Variants in LHFPL3 observed in about 807,000 individuals in gnomAD.
LHFPL3 encodes the protein LHFPL tetraspan subfamily member 3 protein.
A neutral mutation model predicts 19.3 loss-of-function variants in LHFPL3; 5 were observed. The ratio of observed to expected loss-of-function variants is 0.26; its 90% CI spans 0.14 to 0.54. LHFPL3 has a LOEUF of 0.54. LHFPL3 is among the 20% of genes least tolerant of loss of function. LHFPL3 has a pLI of 0.94. For synonymous variants in LHFPL3, 133 were observed against 126.2 expected, an observed-to-expected ratio of 1.05 and a Z score of -0.36; for missense variants, 249 against 307.4, an observed-to-expected ratio of 0.81 and a Z score of 1.42.
At chr7:104,883,318 T>G (rs927447496) in intron 2 of LHFPL3, among the ~76,000 whole-genome samples, 2 of 152,226 alleles carry the variant, frequency 1.3e-5, no homozygotes, top group African/African-American at 4.8e-5. Flanking sequence ...TCTTAAAAAC[T>G]GATATTAATA....
chr7:104,503,391 AT>A (rs35807065), intron 1 of LHFPL3, among the ~76,000 whole-genome samples: 15,454 of 151,854 alleles, frequency 0.1, 875 homozygotes, highest in East Asian at 0.12. Context: ...TACTTTTTAT[AT>A]TTTTCTTTCT....
chr7:104,378,965 A>AT (rs747010893), intron 1 of LHFPL3, among the ~76,000 whole-genome samples: 2 of 151,992 alleles, frequency 1.3e-5, no homozygotes, highest in African/African-American at 2.4e-5. Flanking sequence ...TCAACTTATC[A>AT]TTTTTTTCTT....
chr7:104,584,176 G>C (rs1790517888), intron 1 of LHFPL3, among the ~76,000 whole-genome samples: 1 of 152,116 alleles, frequency 6.6e-6, no homozygotes, highest in Admixed American at 6.5e-5. Flanking sequence ...GATGAAGCTG[G>C]AAACCAGCAT....
At chr7:104,817,755 C>A (rs868450125) in intron 2 of LHFPL3, among the ~76,000 whole-genome samples, 16 of 152,160 alleles carry the variant, frequency 1.1e-4, no homozygotes, top group African/African-American at 3.6e-4. Context: ...CCATACAAAC[C>A]CCCATGGCCA....
At chr7:104,416,301 T>A (rs1791621215) in intron 1 of LHFPL3, among the ~76,000 whole-genome samples, 1 of 152,174 alleles carries the variant, frequency 6.6e-6, no homozygotes, top group Admixed American at 6.5e-5. Context: ...AGGGAGAACA[T>A]GGCCCTACTA....
chr7:104,846,210 A>C (rs1791310322), intron 2 of LHFPL3, among the ~76,000 whole-genome samples: 1 of 152,170 alleles, frequency 6.6e-6, no homozygotes, highest in Non-Finnish European at 1.5e-5. Context: ...AATATGTGAT[A>C]AACTGGATTT....
At chr7:104,648,661 T>A (rs536320112) in intron 1 of LHFPL3, among the ~76,000 whole-genome samples, 7 of 152,226 alleles carry the variant, frequency 4.6e-5, no homozygotes, top group Non-Finnish European at 1.0e-4. Context: ...ATAACTATGA[T>A]GTGTACAGCG....
chr7:104,879,488 G>A (rs1792007204), intron 2 of LHFPL3, among the ~76,000 whole-genome samples: 1 of 152,112 alleles, frequency 6.6e-6, no homozygotes, highest in Admixed American at 6.6e-5. Context: ...GAGAGTCTAA[G>A]GCAGGAGCAT....
At chr7:104,378,266 T>C (rs1386372720) in intron 1 of LHFPL3, among the ~76,000 whole-genome samples, 5 of 152,230 alleles carry the variant, frequency 3.3e-5, no homozygotes, top group Non-Finnish European at 5.9e-5. Context: ...ACTTCTGTCA[T>C]TAGAGATGAG....
At chr7:104,392,490 A>C (rs1252638896) in intron 1 of LHFPL3, among the ~76,000 whole-genome samples, 6 of 151,922 alleles carry the variant, frequency 3.9e-5, no homozygotes, top group Admixed American at 2.6e-4. Context: ...GATTACATTT[A>C]TTGATTTGTG....
intron 1 of LHFPL3, among the ~76,000 whole-genome samples, chr7:104,584,253 A>G (rs930136129): frequency 1.3e-5 from 2 of 152,094 alleles, no homozygotes; most frequent in Non-Finnish European, 2.9e-5. Context: ...GTGGGAATTG[A>G]ACAATGAGAA....
At chr7:104,419,352 G>A (rs1026132319) in intron 1 of LHFPL3, among the ~76,000 whole-genome samples, 6 of 152,118 alleles carry the variant, frequency 3.9e-5, no homozygotes, top group African/African-American at 2.4e-5. Flanking sequence ...AGAGATAATA[G>A]AATCTCCTTA....
At chr7:104,594,551 T>C (rs962858781) in intron 1 of LHFPL3, among the ~76,000 whole-genome samples, 1 of 152,154 alleles carries the variant, frequency 6.6e-6, no homozygotes, top group African/African-American at 2.4e-5. Context: ...CTTTGTGGCG[T>C]TCTCTGTATT....
chr7:104,692,985 G>A (rs1234264803), intron 1 of LHFPL3, among the ~76,000 whole-genome samples: 1 of 152,138 alleles, frequency 6.6e-6, no homozygotes, highest in Non-Finnish European at 1.5e-5. Flanking sequence ...CCAGGATGAG[G>A]GCTGTACCCT....
chr7:104,354,296 C>T (rs1790232103), intron 1 of LHFPL3, among the ~76,000 whole-genome samples: 4 of 152,252 alleles, frequency 2.6e-5, no homozygotes, highest in Admixed American at 2.0e-4. Context: ...GCCCTGGCAA[C>T]AGATGCCCAG....
At chr7:104,731,398 C>T (rs146290164) in intron 1 of LHFPL3, among the ~76,000 whole-genome samples, 1,689 of 152,200 alleles carry the variant, frequency 0.011, 31 homozygotes, top group African/African-American at 0.038. Flanking sequence ...TTTAATTTCA[C>T]TGAGCAGTGG....
At chr7:104,614,576 CCTCTTCTCTTCTCT>C (rs1355690592) in intron 1 of LHFPL3, among the ~76,000 whole-genome samples, 33 of 121,164 alleles carry the variant, frequency 2.7e-4, no homozygotes, top group African/African-American at 8.5e-4. Flanking sequence ...CAAAGAGCCT[CCTCTTCTCTTCTCT>C]CTCTTCTCTT....
intron 1 of LHFPL3, among the ~76,000 whole-genome samples, chr7:104,439,797 C>G (rs1792181116): frequency 6.6e-6 from 1 of 152,064 alleles, no homozygotes; most frequent in Non-Finnish European, 1.5e-5. Flanking sequence ...ACAAGGATGT[C>G]TACTTTTACC....
At chr7:104,474,855 G>T (rs146382564) in intron 1 of LHFPL3, among the ~76,000 whole-genome samples, 12 of 152,258 alleles carry the variant, frequency 7.9e-5, no homozygotes, top group Admixed American at 7.8e-4. Flanking sequence ...TCTTAGTGAA[G>T]GGTATAGAGG....
Sources: allele counts gnomAD v4.1 joint callset (sites outside exome capture counted in the v4.1 genomes callset), GRCh38; gene constraint gnomAD v4.1.1; transcripts MANE v1.5; gene names NCBI Gene and HGNC (gene_info 2026-07-23, HGNC 2026-07-21).